Variants in ARHGEF10 observed in about 807,000 individuals in gnomAD.
ARHGEF10 encodes the protein Rho guanine nucleotide exchange factor 10.
A neutral mutation model predicts 147.4 loss-of-function variants in ARHGEF10; 140 were observed. The ratio of observed to expected loss-of-function variants is 0.95; its 90% confidence interval spans 0.83 to 1.09. ARHGEF10 has a LOEUF of 1.09. ARHGEF10 is among the 50% of genes least tolerant of loss of function. The probability of loss-of-function intolerance (pLI) is 0.00; values close to 1 mark genes in which losing one functional copy is unlikely to be tolerated. For missense variants in ARHGEF10, 2,222 were observed against 1,752.7 expected (o/e 1.27, Z -4.78); for synonymous variants, 902 against 695.8 (o/e 1.30, Z -4.67).
At chr8:1,858,348 G>A (rs957787012) in intron 3 of ARHGEF10, among the ~76,000 whole-genome samples, 2 of 152,210 alleles carry the variant, frequency 1.3e-5, no homozygotes, top group Non-Finnish European at 2.9e-5. Flanking sequence ...CCATTCTTAC[G>A]GCCCAATTGG....
chr8:1,854,420 A>G (rs1483178733), intron 2 of ARHGEF10, among the ~76,000 whole-genome samples: 1 of 152,196 alleles, frequency 6.6e-6, no homozygotes, highest in Non-Finnish European at 1.5e-5. Flanking sequence ...GTTCTTGTAG[A>G]AAGGCTATTT....
intron 15 of ARHGEF10, among the ~76,000 whole-genome samples, chr8:1,899,177 A>T (rs1810259623): frequency 6.6e-6 from 1 of 152,150 alleles, no homozygotes; most frequent in Admixed American, 6.5e-5. Flanking sequence ...GTCACGTCTG[A>T]TGCAGTGTGT....
intron 17 of ARHGEF10, among the ~76,000 whole-genome samples, chr8:1,907,584 G>A (rs1360813131): frequency 1.3e-5 from 2 of 152,150 alleles, no homozygotes; most frequent in African/African-American, 4.8e-5. Flanking sequence ...TTGACTCTTG[G>A]GCAGTTTTAA....
intron 18 of ARHGEF10, among the ~76,000 whole-genome samples, chr8:1,913,325 C>T (rs4876273): frequency 0.25 from 38,678 of 151,990 alleles, 5,076 homozygotes; most frequent in East Asian, 0.38. Context: ...CACTTTTATT[C>T]AACTGGTCTC....
chr8:1,883,844 C>G (rs1219624672), intron 10 of ARHGEF10, among the ~76,000 whole-genome samples: 1 of 152,152 alleles, frequency 6.6e-6, no homozygotes, highest in African/African-American at 2.4e-5. Flanking sequence ...GCCACATTCA[C>G]TGCCTCAAGG....
chr8:1,899,583 A>T (rs1424817290), intron 15 of ARHGEF10, among the ~76,000 whole-genome samples: 4 of 152,206 alleles, frequency 2.6e-5, no homozygotes, highest in African/African-American at 9.7e-5. Flanking sequence ...ATACATACTA[A>T]AATATCGACA....
At chr8:1,842,595 C>T (rs143334407) in intron 1 of ARHGEF10, among the ~76,000 whole-genome samples, 4 of 152,306 alleles carry the variant, frequency 2.6e-5, no homozygotes, top group Admixed American at 2.0e-4. Flanking sequence ...GCCTGGTCCC[C>T]GGTGCTAGAG....
chr8:1,826,173 T>C, intron 1 of ARHGEF10: 1 of 1,559,600 alleles, frequency 6.4e-7, no homozygotes, highest in Admixed American at 1.7e-5. Flanking sequence ...TATTTGTAAT[T>C]CATTAGTTGT....
intron 15 of ARHGEF10, among the ~76,000 whole-genome samples, chr8:1,900,889 G>A (rs1004154765): frequency 9.9e-5 from 15 of 152,114 alleles, no homozygotes; most frequent in African/African-American, 3.4e-4. Flanking sequence ...CCCACACAGG[G>A]TCTGTTGCCC....
chr8:1,838,168 G>A (rs1201593000), intron 1 of ARHGEF10, among the ~76,000 whole-genome samples: 3 of 152,150 alleles, frequency 2.0e-5, no homozygotes, highest in African/African-American at 2.4e-5. Context: ...GGGGTGCCTG[G>A]TGCCTTCCTT....
chr8:1,884,857 T>C (rs1326988970), intron 10 of ARHGEF10, among the ~76,000 whole-genome samples: 7 of 152,156 alleles, frequency 4.6e-5, no homozygotes, highest in Admixed American at 4.6e-4. Flanking sequence ...CTCCACCTCC[T>C]GGGTTCAGGC....
intron 27 of ARHGEF10, 41 bp from the exon 28 acceptor site, chr8:1,952,664 A>G (rs1815149508): frequency 5.0e-6 from 8 of 1,611,754 alleles, no homozygotes; most frequent in African/African-American, 1.3e-5. Context: ...CAACTCTGCT[A>G]CACAAACCAG....
chr8:1,943,707 G>A (rs1254364327), intron 26 of ARHGEF10: 1 of 152,178 alleles, frequency 6.6e-6, no homozygotes. Flanking sequence ...AGACTCCTTT[G>A]CAATTGTGAG....
intron 1 of ARHGEF10, among the ~76,000 whole-genome samples, chr8:1,836,942 C>A (rs556021553): frequency 1.3e-5 from 2 of 152,304 alleles, no homozygotes; most frequent in South Asian, 4.1e-4. Context: ...GTAAGAAGTG[C>A]CTTTCACCTC....
chr8:1,929,604 T>G (rs1812958729), intron 25 of ARHGEF10, among the ~76,000 whole-genome samples, 161 bp downstream of exon 25: 2 of 152,172 alleles, frequency 1.3e-5, no homozygotes, highest in Admixed American at 6.5e-5. Flanking sequence ...GTGCCTTGCT[T>G]CTTCCCCAAA....
intron 4 of ARHGEF10, among the ~76,000 whole-genome samples, chr8:1,863,733 G>T: frequency 6.6e-6 from 1 of 152,144 alleles, no homozygotes; most frequent in East Asian, 1.9e-4. Flanking sequence ...TACCCCACCT[G>T]TGTGGAATGT....
chr8:1,869,361 T>G (rs538387878), intron 7 of ARHGEF10, 111 bp downstream of exon 7: 1 of 913,542 alleles, frequency 1.1e-6, no homozygotes, highest in East Asian at 2.5e-5. Context: ...TATTCATGTT[T>G]TGTATGTTGC....
chr8:1,956,611 T>G, intron 28 of ARHGEF10, 138 bp from the exon 29 acceptor site: 1 of 810,126 alleles, frequency 1.2e-6, no homozygotes, highest in East Asian at 2.5e-5. Context: ...AGCTTATTAT[T>G]CATGTATGCA....
intron 25 of ARHGEF10, among the ~76,000 whole-genome samples, chr8:1,930,338 C>T (rs1016507810): frequency 6.6e-6 from 1 of 152,148 alleles, no homozygotes; most frequent in Non-Finnish European, 1.5e-5. Flanking sequence ...GACCATGTCC[C>T]AGCTCACTCC....
Sources: gnomAD v4.1 joint callset for allele counts (sites outside exome capture counted in the v4.1 genomes callset) on GRCh38, gnomAD v4.1.1 for gene constraint, MANE v1.5 for transcripts, NCBI Gene and HGNC (gene_info 2026-07-23, HGNC 2026-07-21) for gene names.